Variants in LUZP2 observed in about 807,000 individuals in gnomAD.
The protein encoded by LUZP2 is leucine zipper protein 2.
LUZP2 carries 52 observed loss-of-function variants against 51.6 expected under a neutral mutation model. The ratio of observed to expected loss-of-function variants is 1.01; its 90% CI spans 0.81 to 1.27. LUZP2 has a LOEUF of 1.27. LUZP2 is among the 50% of genes most tolerant of loss of function. LUZP2 has a pLI of 0.00. For synonymous variants in LUZP2, 154 were observed against 137.3 expected, an observed-to-expected ratio of 1.12 and a Z score of -0.85; for missense variants, 436 against 395.4, an observed-to-expected ratio of 1.10 and a Z score of -0.87.
chr11:24,528,099 A>G lies in LUZP2; in HGVS notation c.62+30794A>G, dbSNP rs186371123. Among the ~76,000 whole-genome samples, 420 of 151,378 alleles carry G rather than the reference A, an allele frequency of 2.8e-3. 4 individuals are homozygous for G. The highest frequency in any genetic ancestry group is 1.3e-3 in the Non-Finnish European group (85 of 67,442). ...GATGTAGACATTTTTTTGATGAAGCATAAGAGTTCCCTTTTATAAAATTTC... is the reference window on the plus strand; with the variant it reads ...GATGTAGACATTTTTTTGATGAAGCGTAAGAGTTCCCTTTTATAAAATTTC... On this transcript the variant is annotated intron_variant, in intron 1 of 11. Coordinates refer to ENST00000336930, the MANE Select transcript of LUZP2 (RefSeq NM_001009909.4).
At chr11:24,625,715 A>T (rs1309544004) in intron 1 of LUZP2, among the ~76,000 whole-genome samples, 2 of 152,220 alleles carry the variant, frequency 1.3e-5, no homozygotes, top group East Asian at 1.9e-4. Flanking sequence ...AAAAAAAAAA[A>T]AAATCAAAGT....
chr11:24,991,694 G>C (rs532496046), intron 9 of LUZP2, among the ~76,000 whole-genome samples: 2 of 151,874 alleles, frequency 1.3e-5, no homozygotes, highest in Non-Finnish European at 2.9e-5. Flanking sequence ...CAGCAGTGTA[G>C]TAGTGTTCCC....
At chr11:24,584,335 T>C (rs1852983850) in intron 1 of LUZP2, among the ~76,000 whole-genome samples, 1 of 152,186 alleles carries the variant, frequency 6.6e-6, no homozygotes, top group South Asian at 2.1e-4. Flanking sequence ...CTGGCATAAC[T>C]TCTAATTATC....
chr11:24,921,213 G>C (rs533262591), intron 7 of LUZP2, among the ~76,000 whole-genome samples: 2 of 152,052 alleles, frequency 1.3e-5, no homozygotes, highest in African/African-American at 4.8e-5. Context: ...GACAGAGGGA[G>C]GGGGGCTCGG....
chr11:25,034,536 T>G (rs557879394), intron 9 of LUZP2, among the ~76,000 whole-genome samples: 2 of 152,252 alleles, frequency 1.3e-5, no homozygotes, highest in South Asian at 2.1e-4. Flanking sequence ...TCTTCCTGGA[T>G]TTTTAGTTTG....
intron 6 of LUZP2, among the ~76,000 whole-genome samples, chr11:24,907,675 A>G (rs1299586089): frequency 6.6e-6 from 1 of 152,214 alleles, no homozygotes; most frequent in East Asian, 1.9e-4. Context: ...GATATGATTT[A>G]TATGTGTTCA....
intron 1 of LUZP2, among the ~76,000 whole-genome samples, chr11:24,722,810 G>T (rs1419624813): frequency 6.6e-6 from 1 of 151,860 alleles, no homozygotes; most frequent in Non-Finnish European, 1.5e-5. Context: ...TCAGCTACTT[G>T]GGAGGCTGAG....
At chr11:24,963,927 A>G (rs981415922) in intron 7 of LUZP2, among the ~76,000 whole-genome samples, 7 of 152,136 alleles carry the variant, frequency 4.6e-5, no homozygotes, top group Non-Finnish European at 8.8e-5. Context: ...CTCCAGGTTG[A>G]TGTCTTAAAT....
At chr11:24,587,260 C>G (rs1302129779) in intron 1 of LUZP2, among the ~76,000 whole-genome samples, 1 of 152,066 alleles carries the variant, frequency 6.6e-6, no homozygotes, top group African/African-American at 2.4e-5. Flanking sequence ...CCCAGAAAGC[C>G]TTGGAGAGAG....
At chr11:24,572,923 C>G (rs1564999487) in intron 1 of LUZP2, among the ~76,000 whole-genome samples, 1 of 151,974 alleles carries the variant, frequency 6.6e-6, no homozygotes, top group Non-Finnish European at 1.5e-5. Flanking sequence ...CCCAGAGATG[C>G]AACTGATCTT....
chr11:24,627,453 G>C (rs1224851727), intron 1 of LUZP2, among the ~76,000 whole-genome samples: 1 of 152,008 alleles, frequency 6.6e-6, no homozygotes, highest in East Asian at 1.9e-4. Context: ...CAAGTCTATT[G>C]GTATACCAAA....
intron 5 of LUZP2, among the ~76,000 whole-genome samples, chr11:24,814,416 T>G (rs1453055104): frequency 6.6e-6 from 1 of 152,236 alleles, no homozygotes; most frequent in Non-Finnish European, 1.5e-5. Flanking sequence ...TTCATCTTTA[T>G]TCCTAGAGAC....
intron 6 of LUZP2, among the ~76,000 whole-genome samples, chr11:24,909,497 A>AG (rs201910218): frequency 4.0e-5 from 6 of 149,218 alleles, no homozygotes; most frequent in African/African-American, 1.5e-4. Flanking sequence ...CATTATTTTG[A>AG]GGGAAAAAAA....
At chr11:24,557,452 C>A (rs1407086936) in intron 1 of LUZP2, among the ~76,000 whole-genome samples, 1 of 152,012 alleles carries the variant, frequency 6.6e-6, no homozygotes, top group Admixed American at 6.6e-5. Flanking sequence ...TAGAATTTGA[C>A]TGAATAGACA....
intron 3 of LUZP2, 68 bp from the exon 4 acceptor site, chr11:24,738,153 A>T (rs1306038918): frequency 4.4e-6 from 5 of 1,129,890 alleles, no homozygotes; most frequent in Non-Finnish European, 5.2e-6. Context: ...CCTTCCTTTT[A>T]TAATGTTCAT....
intron 9 of LUZP2, among the ~76,000 whole-genome samples, chr11:25,047,436 A>AAC (rs1858349191): frequency 7.6e-6 from 1 of 131,322 alleles, no homozygotes; most frequent in Non-Finnish European, 1.6e-5. Context: ...TATTGTTTTT[A>AAC]ACACTGGTAT....
At chr11:24,911,384 C>G (rs1195051249) in intron 6 of LUZP2, among the ~76,000 whole-genome samples, 1 of 152,066 alleles carries the variant, frequency 6.6e-6, no homozygotes, top group Non-Finnish European at 1.5e-5. Flanking sequence ...CCAAATCTCA[C>G]CTTGATTTGT....
At chr11:24,971,483 A>G (rs541557342) in intron 7 of LUZP2, among the ~76,000 whole-genome samples, 1 of 152,170 alleles carries the variant, frequency 6.6e-6, no homozygotes, top group South Asian at 2.1e-4. Flanking sequence ...GGACCACTGT[A>G]CTAGAGGGTG....
intron 5 of LUZP2, among the ~76,000 whole-genome samples, chr11:24,834,626 G>A (rs1278254825): frequency 6.6e-6 from 1 of 152,122 alleles, no homozygotes; most frequent in African/African-American, 2.4e-5. Flanking sequence ...GGTATTGCTG[G>A]GTCAAATGGT....
Sources: gnomAD v4.1 joint callset for allele counts (sites outside exome capture counted in the v4.1 genomes callset) on GRCh38, gnomAD v4.1.1 for gene constraint, MANE v1.5 for transcripts, NCBI Gene and HGNC (gene_info 2026-07-23, HGNC 2026-07-21) for gene names.